Variants in KSR2 observed in about 807,000 individuals in gnomAD.
The protein encoded by KSR2 is kinase suppressor of ras 2.
In KSR2, 25 loss-of-function variants were observed where a neutral mutation model predicts 107.8. The observed-to-expected ratio is 0.23, with a 90% CI of 0.17 to 0.32. KSR2 has a LOEUF of 0.32. Among genes scored for constraint, KSR2 ranks in the 10% least tolerant of loss-of-function variants. The probability of loss-of-function intolerance (pLI) is 1.00; values close to 1 mark genes in which losing one functional copy is unlikely to be tolerated. For synonymous variants in KSR2, 480 were observed against 507.0 expected (o/e 0.95, Z 0.71); for missense variants, 887 against 1,268.9 (o/e 0.70, Z 4.57).
chr12:117,559,378 T>C (rs1460063015), intron 7 of KSR2, among the ~76,000 whole-genome samples: 1 of 152,212 alleles, frequency 6.6e-6, no homozygotes, highest in Non-Finnish European at 1.5e-5. Context: ...GTATTTATGA[T>C]CATCATCACA....
At chr12:117,878,155 C>T (rs1490596930) in intron 1 of KSR2, among the ~76,000 whole-genome samples, 1 of 96,926 alleles carries the variant, frequency 1.0e-5, no homozygotes, top group Admixed American at 1.0e-4. Flanking sequence ...CTTGCACCAC[C>T]GTGCAAGAAT....
At position 117,462,408 on chromosome 12, in the gene KSR2, C is replaced by T. The variant is rs1440112274; in HGVS notation, c.*4791G>A. On this transcript the variant is annotated 3_prime_UTR_variant, in exon 20 of 20. Transcript: ENST00000339824. ...GACTCGTGTCCTTATAAGAAGATGG[C>T]CATATGAAGATAGGGACACACAGAG... 2 of 151,820 alleles carry T rather than the reference C, an allele frequency of 1.3e-5. No homozygotes were observed. Among genetic ancestry groups the T allele is most frequent in the African/African-American group, 4.8e-5 (2 of 41,252 alleles). 9.4% of individuals were successfully genotyped at this position (151,820 alleles called of 1,614,324 possible).
chr12:117,754,297 A>G (rs73215923), intron 4 of KSR2, among the ~76,000 whole-genome samples: 19,721 of 152,026 alleles, frequency 0.13, 1,334 homozygotes, highest in Middle Eastern at 0.18. Flanking sequence ...TCTGATAAAA[A>G]CCACCACGGG....
intron 4 of KSR2, among the ~76,000 whole-genome samples, chr12:117,746,212 T>C (rs530624231): frequency 6.6e-6 from 1 of 152,302 alleles, no homozygotes; most frequent in East Asian, 1.9e-4. Flanking sequence ...CAAAACAGCA[T>C]GGTACTGGTA....
In KSR2 at chr12:117,595,894, G is replaced by A. The variant is rs532879428; in HGVS notation, c.1172-13535C>T. Among the ~76,000 whole-genome samples, 5 of 152,276 alleles carry A rather than the reference G, an allele frequency of 3.3e-5. 1 individual carries two copies. In the South Asian group the frequency reaches 1.0e-3, roughly 32 times the overall value. Reference sequence around the variant, plus strand: ...GGCTGAGTCCCTTCCAGTCTCAGAAGAGGGTGTTTGACCAAGGCTTGGTAA... The same window carrying A: ...GGCTGAGTCCCTTCCAGTCTCAGAAAAGGGTGTTTGACCAAGGCTTGGTAA... On this transcript the variant is annotated intron_variant, in intron 5 of 19. Coordinates refer to ENST00000339824, the MANE Select transcript of KSR2 (RefSeq NM_173598.6).
chr12:117,662,608 T>C (rs1364221703), intron 5 of KSR2, among the ~76,000 whole-genome samples: 1 of 152,144 alleles, frequency 6.6e-6, no homozygotes, highest in Non-Finnish European at 1.5e-5. Flanking sequence ...AGACACCTCA[T>C]GAAGGACAAT....
chr12:117,626,200 C>G (rs1414068129), intron 5 of KSR2, among the ~76,000 whole-genome samples: 4 of 151,882 alleles, frequency 2.6e-5, no homozygotes, highest in Non-Finnish European at 2.9e-5. Flanking sequence ...GTGTCTCTAT[C>G]TCTTTCAGTT....
At chr12:117,735,699 C>T (rs1286011210) in intron 4 of KSR2, among the ~76,000 whole-genome samples, 1 of 152,142 alleles carries the variant, frequency 6.6e-6, no homozygotes, top group African/African-American at 2.4e-5. Context: ...TTCTGGGTGA[C>T]TTGGAGAAAG....
At chr12:117,863,304 A>G (rs1893370614) in intron 1 of KSR2, among the ~76,000 whole-genome samples, 1 of 152,142 alleles carries the variant, frequency 6.6e-6, no homozygotes, top group African/African-American at 2.4e-5. Flanking sequence ...AGGTGGTGTC[A>G]TGGAAGACAA....
intron 14 of KSR2, among the ~76,000 whole-genome samples, chr12:117,494,304 C>T (rs1263637421): frequency 1.3e-5 from 2 of 152,178 alleles, no homozygotes; most frequent in Non-Finnish European, 2.9e-5. Context: ...TACACACCTA[C>T]CTAGACCCCA....
rs1882236921 is a variant in KSR2, at chr12:117,622,186, CTA to C, written c.1172-39829_1172-39828del. The stretch of plus-strand genomic sequence containing the variant: ...CATATCTCTACATCTCTCTGCACTT[CTA>C]TATTTTTTTTTTGTTTAAGTATGGT... On this transcript the variant is annotated intron_variant, in intron 5 of 19. Transcript: ENST00000339824. Among the ~76,000 whole-genome samples the C allele has an allele frequency of 2.6e-5, 4 of 152,090 alleles. No individual in the cohort carries two copies. The South Asian group carries it at 8.3e-4, about 32-fold the overall frequency.
chr12:117,578,078 G>T (rs1234464000), intron 7 of KSR2, among the ~76,000 whole-genome samples: 2 of 152,136 alleles, frequency 1.3e-5, no homozygotes, highest in Non-Finnish European at 2.9e-5. Flanking sequence ...AAGGAAGCTT[G>T]GGGAGGCAGA....
chr12:117,510,124 G>A (rs1006246918), intron 14 of KSR2, among the ~76,000 whole-genome samples: 3 of 152,276 alleles, frequency 2.0e-5, no homozygotes, highest in Non-Finnish European at 4.4e-5. Context: ...GCGATAAGGT[G>A]CTTATGTATA....
intron 4 of KSR2, among the ~76,000 whole-genome samples, chr12:117,680,575 G>T (rs1475820658): frequency 5.3e-5 from 8 of 152,060 alleles, no homozygotes; most frequent in African/African-American, 1.9e-4. Flanking sequence ...CTCCAAGTCT[G>T]GTTTTCACAC....
chr12:117,681,956 G>T lies in KSR2; in HGVS notation c.987-14298C>A, dbSNP rs1181706889. Among the ~76,000 whole-genome samples the T allele has an allele frequency of 2.0e-5, 3 of 152,154 alleles. No individual in the cohort carries two copies. In the East Asian group the frequency reaches 5.8e-4, roughly 29 times the overall value. On this transcript the variant is annotated intron_variant, in intron 4 of 19. Transcript: ENST00000339824. ...GGAATATAAATCATTCTATTATAAA[G>T]ATATATGCACATGTATGTTCACTAC...
chr12:117,905,875 T>TG (rs1450749629), intron 1 of KSR2, among the ~76,000 whole-genome samples: 1 of 145,886 alleles, frequency 6.9e-6, no homozygotes, highest in East Asian at 2.0e-4. Context: ...TTCCATGATC[T>TG]GGAAAAAAAA....
intron 4 of KSR2, among the ~76,000 whole-genome samples, chr12:117,710,181 T>G (rs1886703436): frequency 6.6e-6 from 1 of 152,098 alleles, no homozygotes; most frequent in Non-Finnish European, 1.5e-5. Flanking sequence ...GCCATTTGAA[T>G]ACGGCCTCTT....
intron 3 of KSR2, among the ~76,000 whole-genome samples, chr12:117,819,814 G>A (rs147377840): frequency 3.6e-4 from 55 of 152,110 alleles, no homozygotes; most frequent in African/African-American, 9.2e-4. Flanking sequence ...GCTATTAAGC[G>A]TGATATTTTC....
chr12:117,773,078 C>T (rs182243777), intron 3 of KSR2, among the ~76,000 whole-genome samples: 23 of 152,304 alleles, frequency 1.5e-4, no homozygotes, highest in African/African-American at 4.8e-4. Context: ...GCTTCAGCAG[C>T]GTTTCACTGA....
Sources: gnomAD v4.1 joint callset for allele counts (sites outside exome capture counted in the v4.1 genomes callset) on GRCh38, gnomAD v4.1.1 for gene constraint, MANE v1.5 for transcripts, NCBI Gene and HGNC (gene_info 2026-07-23, HGNC 2026-07-21) for gene names.